PRKCA: variants seen among roughly 807,000 people sequenced by gnomAD.
PRKCA encodes the protein protein kinase C alpha, also known as protein kinase C alpha type.
A neutral mutation model predicts 87.0 loss-of-function variants in PRKCA; 27 were observed. The ratio of observed to expected loss-of-function variants is 0.31; its 90% CI spans 0.23 to 0.43. The LOEUF is 0.43. PRKCA is among the 20% of genes least tolerant of loss of function. PRKCA has a pLI of 1.00. For synonymous variants in PRKCA, 329 were observed against 311.1 expected, an observed-to-expected ratio of 1.06 and a Z score of -0.61; for missense variants, 518 against 852.3, an observed-to-expected ratio of 0.61 and a Z score of 4.88.
chr17:66,368,376 ATATATATATATT>A (rs1908870859), intron 2 of PRKCA, among the ~76,000 whole-genome samples: 2 of 28,242 alleles, frequency 7.1e-5, no homozygotes, highest in Admixed American at 4.4e-4. Context: ...ATATATATAT[ATATATATATATT>A]TTTTTTTTTT....
At chr17:66,517,173 A>T (rs1966994929) in intron 3 of PRKCA, among the ~76,000 whole-genome samples, 1 of 152,164 alleles carries the variant, frequency 6.6e-6, no homozygotes, top group African/African-American at 2.4e-5. Flanking sequence ...AGTCCCAGCT[A>T]CTTGGGAGGC....
intron 12 of PRKCA, 130 bp downstream of exon 12, chr17:66,741,851 G>A (rs935455143): frequency 2.4e-6 from 2 of 840,292 alleles, no homozygotes; most frequent in Non-Finnish European, 3.6e-6. Context: ...AGACCTGCTG[G>A]GACCCACCTT....
chr17:66,658,950 T>C (rs2143887220), intron 5 of PRKCA, among the ~76,000 whole-genome samples: 1 of 152,324 alleles, frequency 6.6e-6, no homozygotes, highest in Non-Finnish European at 1.5e-5. Flanking sequence ...ACTTTCAAAA[T>C]TGGAAGGCCT....
At chr17:66,486,620 G>A (rs1261257876) in intron 2 of PRKCA, among the ~76,000 whole-genome samples, 1 of 152,074 alleles carries the variant, frequency 6.6e-6, no homozygotes, top group Admixed American at 6.5e-5. Context: ...ACACTTGGGT[G>A]TTTCCAGGAC....
intron 8 of PRKCA, among the ~76,000 whole-genome samples, chr17:66,704,328 A>G (rs1973139611): frequency 6.6e-6 from 1 of 152,200 alleles, no homozygotes; most frequent in Admixed American, 6.5e-5. Flanking sequence ...GCTCAATTTT[A>G]ATTTGTATCT....
At chr17:66,596,672 T>C (rs1969990536) in intron 3 of PRKCA, among the ~76,000 whole-genome samples, 2 of 108,214 alleles carry the variant, frequency 1.8e-5, no homozygotes, top group Non-Finnish European at 3.7e-5. Flanking sequence ...GCTGGTGCGC[T>C]GCACCCACTA....
At chr17:66,752,020 GA>G (rs1486491566) in intron 13 of PRKCA, among the ~76,000 whole-genome samples, 1 of 152,220 alleles carries the variant, frequency 6.6e-6, no homozygotes, top group Admixed American at 6.5e-5. Flanking sequence ...CAGCACTGGG[GA>G]TTACATTTCA....
chr17:66,308,417 T>C (rs1207565350), intron 2 of PRKCA, among the ~76,000 whole-genome samples: 2 of 152,170 alleles, frequency 1.3e-5, no homozygotes, highest in Non-Finnish European at 2.9e-5. Context: ...AAATGTGTTT[T>C]AGCCATTTGT....
At chr17:66,504,183 A>G (rs996454038) in intron 3 of PRKCA, among the ~76,000 whole-genome samples, 2 of 152,212 alleles carry the variant, frequency 1.3e-5, no homozygotes, top group African/African-American at 4.8e-5. Context: ...ATTGATTGAT[A>G]GCCCTGTACT....
At chr17:66,336,754 T>TGTG (rs1906705828) in intron 2 of PRKCA, among the ~76,000 whole-genome samples, 8 of 133,736 alleles carry the variant, frequency 6.0e-5, no homozygotes, top group African/African-American at 1.1e-4. Flanking sequence ...GCAAATAAGT[T>TGTG]TGTGTGTGTG....
At chr17:66,645,953 AG>A (rs1971442173) in intron 5 of PRKCA, among the ~76,000 whole-genome samples, 1 of 152,204 alleles carries the variant, frequency 6.6e-6, no homozygotes. Flanking sequence ...CGATAGCAAC[AG>A]CCGTTGAGTG....
chr17:66,364,206 TGAACCTACCCAGGTCA>T (rs1567791100), intron 2 of PRKCA: 2 of 152,158 alleles, frequency 1.3e-5, no homozygotes, highest in Admixed American at 6.6e-5. Context: ...GAGGGAGGTG[TGAACCTACCCAGGTCA>T]GAACTGGAGC....
chr17:66,374,894 ATTT>A (rs1909334725), intron 2 of PRKCA, among the ~76,000 whole-genome samples: 1 of 151,528 alleles, frequency 6.6e-6, no homozygotes. Context: ...TGCCTGGCCA[ATTT>A]TTTATTTGTA....
chr17:66,574,059 C>T (rs539379812), intron 3 of PRKCA, among the ~76,000 whole-genome samples: 2 of 152,300 alleles, frequency 1.3e-5, no homozygotes, highest in East Asian at 1.9e-4. Flanking sequence ...GAAATCACAA[C>T]ACCCAGGGTT....
intron 2 of PRKCA, chr17:66,416,293 G>A (rs538566313): frequency 6.6e-6 from 1 of 152,462 alleles, no homozygotes; most frequent in East Asian, 1.9e-4. Flanking sequence ...CCCAGGAAAA[G>A]ATGGGTGTGG....
At chr17:66,699,804 G>T (rs1336233085) in intron 8 of PRKCA, among the ~76,000 whole-genome samples, 1 of 152,212 alleles carries the variant, frequency 6.6e-6, no homozygotes, top group African/African-American at 2.4e-5. Flanking sequence ...TCAAACTCCT[G>T]GCCTCAACTG....
intron 2 of PRKCA, among the ~76,000 whole-genome samples, chr17:66,385,727 A>C (rs779737044): frequency 6.6e-6 from 1 of 152,224 alleles, no homozygotes; most frequent in Non-Finnish European, 1.5e-5. Context: ...ACAAAATAAA[A>C]ATAATACTTG....
intron 8 of PRKCA, among the ~76,000 whole-genome samples, chr17:66,715,373 G>T (rs932495860): frequency 1.3e-5 from 2 of 151,948 alleles, no homozygotes; most frequent in African/African-American, 4.8e-5. Context: ...CTCTGCCCTC[G>T]TGTAACTGTC....
At chr17:66,460,714 C>T (rs1914806927) in intron 2 of PRKCA, among the ~76,000 whole-genome samples, 1 of 152,154 alleles carries the variant, frequency 6.6e-6, no homozygotes, top group South Asian at 2.1e-4. Flanking sequence ...AGCTTAGTGT[C>T]TCCTTTGCTG....
Sources: allele counts gnomAD v4.1 joint callset (sites outside exome capture counted in the v4.1 genomes callset), GRCh38; gene constraint gnomAD v4.1.1; transcripts MANE v1.5; gene names NCBI Gene and HGNC (gene_info 2026-07-23, HGNC 2026-07-21).